The following STK3 variants were observed in gnomAD, a reference collection of about 807,000 sequenced individuals.
STK3 encodes the protein serine/threonine-protein kinase 3.
STK3 carries 41 observed loss-of-function variants against 58.0 expected under a neutral mutation model. The ratio of observed to expected loss-of-function variants is 0.71; its 90% CI spans 0.55 to 0.92. The LOEUF is 0.92. STK3 is among the 40% of genes least tolerant of loss of function. STK3 has a pLI of 0.00. For synonymous variants in STK3, 170 were observed against 191.0 expected (o/e 0.89, Z 0.91); for missense variants, 479 against 602.7 (o/e 0.79, Z 2.15).
At chr8:98,750,417 G>T (rs1230403036) in intron 3 of STK3, among the ~76,000 whole-genome samples, 1 of 151,096 alleles carries the variant, frequency 6.6e-6, no homozygotes, top group Non-Finnish European at 1.5e-5. Flanking sequence ...TAGCCATTTT[G>T]CTGGGCACAA....
intron 4 of STK3, among the ~76,000 whole-genome samples, chr8:98,727,045 C>A (rs1291910790): frequency 6.6e-6 from 1 of 152,244 alleles, no homozygotes; most frequent in East Asian, 1.9e-4. Context: ...TCTTCTCCTG[C>A]TAAACATATT....
intron 9 of STK3, among the ~76,000 whole-genome samples, chr8:98,530,305 T>G (rs1421604926): frequency 6.6e-6 from 1 of 152,154 alleles, no homozygotes; most frequent in East Asian, 1.9e-4. Context: ...ATCCTCTCCC[T>G]CCTCCCAGCC....
intron 1 of STK3, among the ~76,000 whole-genome samples, chr8:98,379,538 G>A (rs1316445414): frequency 6.6e-6 from 1 of 152,150 alleles, no homozygotes; most frequent in Non-Finnish European, 1.5e-5. Context: ...ATGACCTGTG[G>A]TGCAGCTTGG....
At chr8:98,781,052 A>T (rs560446203) in intron 1 of STK3, among the ~76,000 whole-genome samples, 2 of 152,362 alleles carry the variant, frequency 1.3e-5, no homozygotes, top group East Asian at 3.9e-4. Context: ...TCAGCTGCAA[A>T]TAGCTACAAA....
intron 2 of STK3, among the ~76,000 whole-genome samples, chr8:98,378,365 A>T (rs1817696940): frequency 6.6e-6 from 1 of 152,294 alleles, no homozygotes; most frequent in African/African-American, 2.4e-5. Context: ...CTCTCTTTCT[A>T]CTAGCTTTAT....
In STK3 at chr8:98,825,669, C is replaced by G. The variant is rs943842662; in HGVS notation, c.-129G>C. On this transcript the variant is annotated 5_prime_UTR_variant, in exon 1 of 11. Coordinates refer to ENST00000419617, the MANE Select transcript of STK3 (RefSeq NM_006281.4). ...CTCTGGGAACTCGGACCAACTTTCC[C>G]GTAACTCCGCGGCGGATCTCCCTCC... The G allele has an allele frequency of 3.5e-6, 4 of 1,145,234 alleles. No homozygotes were observed. The highest frequency in any genetic ancestry group is 5.1e-5 in the Admixed American group (1 of 19,630). 70.9% of individuals were successfully genotyped at this position (1,145,234 alleles called of 1,614,324 possible).
chr8:98,803,330 G>A (rs961437395), intron 1 of STK3, among the ~76,000 whole-genome samples: 5 of 152,074 alleles, frequency 3.3e-5, no homozygotes, highest in African/African-American at 1.2e-4. Flanking sequence ...GGTGGCTCAC[G>A]CCTGTAATCC....
chr8:98,394,966 C>T (rs1200202203), intron 3 of STK3, among the ~76,000 whole-genome samples: 6 of 152,166 alleles, frequency 3.9e-5, no homozygotes, highest in African/African-American at 7.2e-5. Context: ...GTTTAGAACC[C>T]TCCACCATTC....
intron 9 of STK3, among the ~76,000 whole-genome samples, chr8:98,540,683 G>A (rs551695855): frequency 6.6e-6 from 1 of 152,166 alleles, no homozygotes; most frequent in African/African-American, 2.4e-5. Context: ...AACCACTGCC[G>A]TGTGCCCCTG....
At position 98,931,239 on chromosome 8, in the gene STK3, A is replaced by G. The variant is rs150887009; in HGVS notation, c.-79+11139T>C. Among the ~76,000 whole-genome samples the G allele has an allele frequency of 4.6e-3, 694 of 152,292 alleles. 2 individuals carry two copies. Among genetic ancestry groups the G allele is most frequent in the Middle Eastern group, 0.01 (3 of 294 alleles). ...GGCCCCTGGGCAGTGTTTTGTCTGG[A>G]AACTTCCCCTTAATCTGGCAGAATT... On this transcript the variant is annotated intron_variant, in intron 1 of 1. Transcript: ENST00000519420.
chr8:98,834,702 A>C (rs1032692853), intron 3 of STK3, among the ~76,000 whole-genome samples: 24 of 152,210 alleles, frequency 1.6e-4, no homozygotes, highest in African/African-American at 5.3e-4. Context: ...TAAGGGACTA[A>C]TTCCATTCAT....
intron 4 of STK3, among the ~76,000 whole-genome samples, chr8:98,730,608 C>T (rs1203927565): frequency 2.7e-5 from 4 of 149,874 alleles, no homozygotes; most frequent in Non-Finnish European, 3.0e-5. Flanking sequence ...CCCAGCTACC[C>T]GGGAGGCTGA....
chr8:98,752,237 T>C (rs1195975961), intron 3 of STK3, among the ~76,000 whole-genome samples: 1 of 152,054 alleles, frequency 6.6e-6, no homozygotes, highest in African/African-American at 2.4e-5. Flanking sequence ...ATGGTTATGA[T>C]ACAAAAAAAG....
intron 6 of STK3, 102 bp downstream of exon 6, chr8:98,706,365 C>A: frequency 8.4e-7 from 1 of 1,191,076 alleles, no homozygotes; most frequent in Non-Finnish European, 1.1e-6. Context: ...AAAAAGAATA[C>A]ATTTAAATGA....
intron 6 of STK3, among the ~76,000 whole-genome samples, chr8:98,626,495 C>A (rs919536530): frequency 8.5e-5 from 13 of 152,152 alleles, no homozygotes; most frequent in African/African-American, 2.7e-4. Flanking sequence ...ATGACTGCAG[C>A]AGAGACCATA....
chr8:98,788,038 C>A (rs192646649), intron 1 of STK3, among the ~76,000 whole-genome samples: 1 of 152,142 alleles, frequency 6.6e-6, no homozygotes, highest in East Asian at 1.9e-4. Flanking sequence ...AAAAACAAAA[C>A]AAAACAAGAA....
chr8:98,642,880 G>A (rs781740341), intron 6 of STK3, among the ~76,000 whole-genome samples: 1 of 152,172 alleles, frequency 6.6e-6, no homozygotes, highest in Non-Finnish European at 1.5e-5. Flanking sequence ...ACTGCACAGT[G>A]TTCTTATAAA....
chr8:98,911,440 C>T (rs890133710), intron 1 of STK3, among the ~76,000 whole-genome samples: 1 of 152,100 alleles, frequency 6.6e-6, no homozygotes, highest in South Asian at 2.1e-4. Flanking sequence ...GTTACCCAGG[C>T]TATAGTGCAG....
intron 4 of STK3, among the ~76,000 whole-genome samples, chr8:98,747,152 T>C (rs527488344): frequency 1.4e-5 from 2 of 143,966 alleles, no homozygotes; most frequent in East Asian, 4.1e-4. Flanking sequence ...TACTAACAGA[T>C]ATTCTTCAGA....
Sources: allele counts gnomAD v4.1 joint callset (sites outside exome capture counted in the v4.1 genomes callset), GRCh38; gene constraint gnomAD v4.1.1; transcripts MANE v1.5; gene names NCBI Gene and HGNC (gene_info 2026-07-23, HGNC 2026-07-21).